The following APPL1 variants were observed in gnomAD, a reference collection of about 807,000 sequenced individuals.
APPL1 encodes DCC-interacting protein 13-alpha.
In APPL1, 42 loss-of-function variants were observed where a neutral mutation model predicts 106.8. The observed-to-expected ratio is 0.39, with a 90% CI of 0.31 to 0.51. APPL1 has a LOEUF of 0.51. Ranked by LOEUF, APPL1 falls within the 20% of genes least tolerant of loss-of-function variation. The pLI, the probability that APPL1 is intolerant of heterozygous loss-of-function variation, is 0.75. For synonymous variants in APPL1, 263 were observed against 281.8 expected (o/e 0.93, Z 0.67); for missense variants, 769 against 858.2 (o/e 0.90, Z 1.30).
chr3:57,254,529 G>T (rs1423331093), intron 13 of APPL1, among the ~76,000 whole-genome samples: 2 of 152,190 alleles, frequency 1.3e-5, no homozygotes, highest in Non-Finnish European at 2.9e-5. Flanking sequence ...AGTTGGGTAG[G>T]ATTTGTTTGT....
At position 57,248,185 on chromosome 3, in the gene APPL1, T is replaced by C; in HGVS notation, c.705-8T>C. The C allele has an allele frequency of 6.2e-7, 1 of 1,610,152 alleles. No individual in the cohort carries two copies. Among genetic ancestry groups the C allele is most frequent in the Non-Finnish European group, 8.5e-7 (1 of 1,177,792 alleles). On this transcript the variant is annotated splice_polypyrimidine_tract_variant and splice_region_variant and intron_variant, in intron 9 of 21. Coordinates refer to ENST00000288266, the MANE Select transcript of APPL1 (RefSeq NM_012096.3). ...GTGATTTGTAGCAAATAATCTGTTC[T>C]GTGTCAGTGTTCGCAGGGAAATGGA...
chr3:57,267,632 C>T (rs951567297), intron 19 of APPL1, 110 bp from the exon 20 acceptor site: 6 of 874,132 alleles, frequency 6.9e-6, no homozygotes, highest in Non-Finnish European at 9.3e-6. Context: ...TTGCTTGAAG[C>T]AATGTATTAG....
In APPL1 at chr3:57,272,300, T is replaced by TTATC; in HGVS notation, c.*2615_*2618dup. On this transcript the variant is annotated 3_prime_UTR_variant, in exon 22 of 22. Transcript: ENST00000288266. ...ACTTGCCAACCAGGGATTAAAGCTA[T>TTATC]TATCTTGAACAGAGTCCCTAAAGCT... 1 of 152,322 alleles carries TTATC rather than the reference T, an allele frequency of 6.6e-6. No individual in the cohort carries two copies. The highest frequency in any genetic ancestry group is 1.9e-4 in the East Asian group (1 of 5,184). The allele number at this position is 152,322 out of a possible 1,614,324, so 9.4% of individuals were successfully genotyped here.
intron 5 of APPL1, 70 bp downstream of exon 5, chr3:57,240,622 T>C: frequency 7.5e-7 from 1 of 1,336,310 alleles, no homozygotes. Context: ...CATATTACTC[T>C]GTACTTACAC....
In APPL1 at chr3:57,271,357, A is replaced by C. The variant is rs2060938400; in HGVS notation, c.*1670A>C. ...TTTATGTTACCAAAACATACAGTAAAAAAGTAGAAATTTATGAAATACTTT... is the reference window on the plus strand; with the variant it reads ...TTTATGTTACCAAAACATACAGTAACAAAGTAGAAATTTATGAAATACTTT... On this transcript the variant is annotated 3_prime_UTR_variant, in exon 22 of 22. Transcript: ENST00000288266. 6.6e-6 allele frequency: 1 copy of C among 152,648 alleles called. No homozygotes were observed. Among genetic ancestry groups the C allele is most frequent in the South Asian group, 2.1e-4 (1 of 4,832 alleles). The allele number at this position is 152,648 out of a possible 1,614,324, so 9.5% of individuals were successfully genotyped here.
At chr3:57,229,355 T>C (rs1371581232) in intron 1 of APPL1, among the ~76,000 whole-genome samples, 1 of 152,162 alleles carries the variant, frequency 6.6e-6, no homozygotes, top group Non-Finnish European at 1.5e-5. Flanking sequence ...ATAAAGACTA[T>C]AAACGGCTCA....
At chr3:57,252,434 T>C in intron 12 of APPL1, 123 bp downstream of exon 12, 1 of 667,400 alleles carries the variant, frequency 1.5e-6, no homozygotes. Context: ...AAATCTTTCT[T>C]TTTCTTTTTT....
chr3:57,246,461 T>C (rs2060774480), intron 8 of APPL1, among the ~76,000 whole-genome samples: 1 of 152,336 alleles, frequency 6.6e-6, no homozygotes. Flanking sequence ...TTGTTCACCA[T>C]AGCTGGGGAC....
At chr3:57,250,546 A>G (rs1353014822) in intron 11 of APPL1, among the ~76,000 whole-genome samples, 2 of 152,210 alleles carry the variant, frequency 1.3e-5, no homozygotes, top group Non-Finnish European at 2.9e-5. Flanking sequence ...CTACTGTCTT[A>G]TTAATCAAAA....
At chr3:57,250,471 T>C (rs1333983972) in intron 11 of APPL1, among the ~76,000 whole-genome samples, 4 of 152,160 alleles carry the variant, frequency 2.6e-5, no homozygotes, top group Admixed American at 1.3e-4. Context: ...TGAGAATCTT[T>C]AAAGTAGCAT....
chr3:57,242,286 ATTACACTG>A, intron 6 of APPL1, 144 bp downstream of exon 6: 1 of 622,942 alleles, frequency 1.6e-6, no homozygotes, highest in Non-Finnish European at 2.7e-6. Flanking sequence ...TGCTACTTAA[ATTACACTG>A]TTTATACAGT....
chr3:57,256,476 A>G (rs966506889), intron 13 of APPL1, among the ~76,000 whole-genome samples: 1 of 152,208 alleles, frequency 6.6e-6, no homozygotes, highest in Non-Finnish European at 1.5e-5. Flanking sequence ...ATATTCTGGA[A>G]AATTGTGAAA....
At chr3:57,258,813 C>A (rs1195116892) in intron 15 of APPL1, 2 of 406,290 alleles carry the variant, frequency 4.9e-6, no homozygotes, top group Non-Finnish European at 8.7e-6. Flanking sequence ...TCCAATTCAT[C>A]TGTGTCTTCT....
chr3:57,251,360 C>T (rs1258564543), intron 11 of APPL1, among the ~76,000 whole-genome samples: 1 of 151,282 alleles, frequency 6.6e-6, no homozygotes, highest in Non-Finnish European at 1.5e-5. Flanking sequence ...CCAGTCTCTA[C>T]TAAAAATACA....
At chr3:57,243,075 A>G (rs905814494) in intron 7 of APPL1, among the ~76,000 whole-genome samples, 161 bp downstream of exon 7, 1 of 152,166 alleles carries the variant, frequency 6.6e-6, no homozygotes, top group African/African-American at 2.4e-5. Context: ...TCTGATAATC[A>G]TTGACCTCTT....
intron 2 of APPL1, among the ~76,000 whole-genome samples, chr3:57,236,136 C>G (rs1241191032): frequency 6.6e-6 from 1 of 151,754 alleles, no homozygotes; most frequent in Non-Finnish European, 1.5e-5. Flanking sequence ...CCTCCACACC[C>G]CAGGTTCAAG....
rs562155467 is a variant in APPL1 at position 57,229,022 on chromosome 3, T to A, written c.54+1085T>A. Among the ~76,000 whole-genome samples the A allele has an allele frequency of 1.4e-3, 220 of 152,356 alleles. 1 individual carries two copies. The highest frequency in any genetic ancestry group is 6.8e-3 in the Middle Eastern group (2 of 294). ...GTTAATTGCCAAGTTGAAATGGGGC[T>A]CTGATTGTAGAATTGATTTGTTCTT... On this transcript the variant is annotated intron_variant, in intron 1 of 21. Coordinates refer to ENST00000288266, the MANE Select transcript of APPL1 (RefSeq NM_012096.3).
chr3:57,235,776 A>G, intron 2 of APPL1, 112 bp downstream of exon 2: 1 of 645,658 alleles, frequency 1.5e-6, no homozygotes, highest in Non-Finnish European at 2.7e-6. Flanking sequence ...TTAGGCTCAT[A>G]GTAATAAATA....
At chr3:57,261,174 T>G (rs373672608) in intron 19 of APPL1, among the ~76,000 whole-genome samples, 12 of 152,282 alleles carry the variant, frequency 7.9e-5, no homozygotes, top group African/African-American at 2.6e-4. Context: ...ACGTGATCAA[T>G]TTTTTGGCTC....
Sources: gnomAD v4.1 joint callset for allele counts (sites outside exome capture counted in the v4.1 genomes callset) on GRCh38, gnomAD v4.1.1 for gene constraint, MANE v1.5 for transcripts, NCBI Gene and HGNC (gene_info 2026-07-23, HGNC 2026-07-21) for gene names.